WWP2: variants seen among roughly 807,000 people sequenced by gnomAD.
The protein encoded by WWP2 is WW domain containing E3 ubiquitin protein ligase 2.
A neutral mutation model predicts 121.0 loss-of-function variants in WWP2; 57 were observed. The observed-to-expected ratio is 0.47, with a 90% CI of 0.38 to 0.59. WWP2 has a LOEUF of 0.59. Among genes scored for constraint, WWP2 ranks in the 20% least tolerant of loss-of-function variants. WWP2 has a pLI of 0.00. For missense variants in WWP2, 962 were observed against 1,158.9 expected, an observed-to-expected ratio of 0.83 and a Z score of 2.47; for synonymous variants, 449 against 441.3, an observed-to-expected ratio of 1.02 and a Z score of -0.22.
chr16:69,784,091 C>CTTTTTTTTTTTTTTTTTTTTTTTTT (rs61650147), intron 1 of WWP2, among the ~76,000 whole-genome samples: 18 of 60,866 alleles, frequency 3.0e-4, no homozygotes, highest in Non-Finnish European at 3.6e-4. Context: ...TTCTTTCTTT[C>CTTTTTTTTTTTTTTTTTTTTTTTTT]TTTTTTTTTT....
chr16:69,770,913 G>A (rs1300418890), intron 1 of WWP2, among the ~76,000 whole-genome samples: 2 of 151,178 alleles, frequency 1.3e-5, no homozygotes, highest in Non-Finnish European at 2.9e-5. Context: ...TAGGAGGATC[G>A]CTTGAGCCCA....
intron 12 of WWP2, 103 bp from the exon 13 acceptor site, chr16:69,930,027 T>C (rs982483367): frequency 3.2e-6 from 5 of 1,545,480 alleles, no homozygotes; most frequent in East Asian, 2.3e-5. Flanking sequence ...AAGTCCCTCA[T>C]GGGCTCTGCA....
chr16:69,863,663 A>G (rs574411478), intron 6 of WWP2, among the ~76,000 whole-genome samples: 1 of 152,204 alleles, frequency 6.6e-6, no homozygotes, highest in Admixed American at 6.5e-5. Flanking sequence ...AGAAACAAAC[A>G]AACAAAAGAT....
chr16:69,810,528 C>T (rs567949867), intron 4 of WWP2, among the ~76,000 whole-genome samples: 44 of 148,966 alleles, frequency 3.0e-4, no homozygotes, highest in African/African-American at 1.0e-3. Flanking sequence ...CCTGGGTTCA[C>T]GCCATTCTCC....
intron 4 of WWP2, among the ~76,000 whole-genome samples, chr16:69,823,270 G>A (rs1042562882): frequency 6.6e-6 from 1 of 151,980 alleles, no homozygotes; most frequent in Non-Finnish European, 1.5e-5. Context: ...ATACTTTTTG[G>A]CCTCAGGTGT....
chr16:69,797,372 C>A (rs1227354590), intron 2 of WWP2, among the ~76,000 whole-genome samples: 1 of 152,080 alleles, frequency 6.6e-6, no homozygotes, highest in Non-Finnish European at 1.5e-5. Context: ...TGGAATCAGA[C>A]CGGCCGGGTG....
intron 1 of WWP2, among the ~76,000 whole-genome samples, chr16:69,769,634 T>A (rs1420146434): frequency 6.6e-6 from 1 of 151,962 alleles, no homozygotes; most frequent in Non-Finnish European, 1.5e-5. Flanking sequence ...TATCGAGAAG[T>A]GGTTTTGTTT....
intron 8 of WWP2, among the ~76,000 whole-genome samples, chr16:69,902,287 A>G (rs1421414779): frequency 2.6e-5 from 4 of 152,232 alleles, no homozygotes; most frequent in East Asian, 1.9e-4. Flanking sequence ...GAAGATGGCA[A>G]TTGTGAGTGG....
At chr16:69,774,213 T>C (rs1301863877) in intron 1 of WWP2, among the ~76,000 whole-genome samples, 2 of 152,190 alleles carry the variant, frequency 1.3e-5, no homozygotes, top group South Asian at 2.1e-4. Context: ...CCACCCAACA[T>C]TGGCCTCTTT....
intron 6 of WWP2, among the ~76,000 whole-genome samples, chr16:69,860,987 G>A (rs2057406969): frequency 6.6e-6 from 1 of 152,330 alleles, no homozygotes. Context: ...TGCCAGTAGC[G>A]AGAAAGTGAA....
rs186291818 is a variant in WWP2, at chr16:69,797,669, A to G, written c.71-1013A>G. On this transcript the variant is annotated intron_variant, in intron 2 of 23. Coordinates refer to ENST00000359154, the MANE Select transcript of WWP2 (RefSeq NM_001270454.2). ...TTTGGGAGGCCAAGGTAGGCAGATC[A>G]TCTGAGGTCAGGAGTTTGAGACCAG... Among the ~76,000 whole-genome samples, 78 of 151,586 alleles carry G rather than the reference A, an allele frequency of 5.1e-4. 1 individual carries two copies. The East Asian group carries it at 0.015, about 29-fold the overall frequency.
At chr16:69,894,348 T>C (rs1260961539) in intron 8 of WWP2, among the ~76,000 whole-genome samples, 1 of 152,072 alleles carries the variant, frequency 6.6e-6, no homozygotes, top group African/African-American at 2.4e-5. Flanking sequence ...CCCAAAGTGC[T>C]GGGATTCCAG....
chr16:69,767,056 T>G (rs2038748287), intron 1 of WWP2, among the ~76,000 whole-genome samples: 1 of 151,884 alleles, frequency 6.6e-6, no homozygotes, highest in South Asian at 2.1e-4. Context: ...TTTTTAATCT[T>G]TTTGAAAACC....
intron 8 of WWP2, among the ~76,000 whole-genome samples, 153 bp from the exon 9 acceptor site, chr16:69,908,608 A>G (rs1259063744): frequency 6.6e-6 from 1 of 152,278 alleles, no homozygotes; most frequent in African/African-American, 2.4e-5. Flanking sequence ...CCTCAGCCAC[A>G]GCAGGAACTG....
At chr16:69,927,983 T>G (rs1468704572) in intron 11 of WWP2, among the ~76,000 whole-genome samples, 1 of 152,196 alleles carries the variant, frequency 6.6e-6, no homozygotes, top group Admixed American at 6.5e-5. Flanking sequence ...TTATTTTATT[T>G]ATTTGTTTTT....
chr16:69,907,482 T>A (rs183963432), intron 8 of WWP2, among the ~76,000 whole-genome samples: 6 of 152,318 alleles, frequency 3.9e-5, no homozygotes, highest in Admixed American at 6.5e-5. Context: ...TACCCAAAAG[T>A]AGAAGTAAAT....
chr16:69,791,225 T>C (rs575321033), intron 2 of WWP2, among the ~76,000 whole-genome samples: 2 of 139,336 alleles, frequency 1.4e-5, no homozygotes, highest in East Asian at 3.9e-4. Flanking sequence ...CTTTTCTTTT[T>C]TTCTTTCTTT....
chr16:69,789,467 A>G (rs1597668114), intron 2 of WWP2, among the ~76,000 whole-genome samples: 1 of 152,004 alleles, frequency 6.6e-6, no homozygotes, highest in Admixed American at 6.6e-5. Context: ...TGACCTCATG[A>G]TCTCCCCGCC....
rs1206952529 is a variant in WWP2 at position 69,799,338 on chromosome 16, G to T, written c.340+43G>T. 1 of 1,599,474 alleles carries T rather than the reference G, an allele frequency of 6.3e-7. No homozygotes were observed. Among genetic ancestry groups the T allele is most frequent in the South Asian group, 1.1e-5 (1 of 89,056 alleles). ...GGTGCCGACGTGATTCTTGGGTGGG[G>T]ATGGGAGGACCTGGCAGATCAACCT... is the stretch of plus-strand genomic sequence containing the variant. On this transcript the variant is annotated intron_variant, in intron 4 of 23. Transcript: ENST00000359154. This position sits in a 1 kb window ranked among gnomAD's most constrained non-coding sequence, Gnocchi z 4.5.
Sources: gnomAD v4.1 joint callset for allele counts (sites outside exome capture counted in the v4.1 genomes callset) on GRCh38, gnomAD v4.1.1 for gene constraint, Gnocchi (gnomAD v3.1) non-coding constraint, MANE v1.5 for transcripts, NCBI Gene and HGNC (gene_info 2026-07-23, HGNC 2026-07-21) for gene names.